The following MMP16 variants were observed in gnomAD, a reference collection of about 807,000 sequenced individuals.
MMP16 encodes matrix metallopeptidase 16.
In MMP16, 12 loss-of-function variants were observed where a neutral mutation model predicts 67.8. That is an observed-to-expected ratio of 0.18 (90% CI 0.11 to 0.29). The LOEUF (loss-of-function observed/expected upper bound fraction) is 0.29, where lower values mean the gene tolerates loss of function less well. Ranked by LOEUF, MMP16 falls within the 10% of genes least tolerant of loss-of-function variation. The pLI is 1.00. For missense variants in MMP16, 475 were observed against 765.7 expected (o/e 0.62, Z 4.48); for synonymous variants, 249 against 255.9 (o/e 0.97, Z 0.26).
At position 88,186,210 on chromosome 8, in the gene MMP16, A is replaced by G. The variant is rs533466001; in HGVS notation, c.404+266T>C. 11 of 312,232 alleles carry G rather than the reference A, an allele frequency of 3.5e-5. No individual in the cohort carries two copies. In the Admixed American group the frequency reaches 5.2e-4, roughly 15 times the overall value. The allele number at this position is 312,232 out of a possible 1,614,324, so 19.3% of individuals were successfully genotyped here. On this transcript the variant is annotated intron_variant, in intron 3 of 9. Transcript: ENST00000286614. ...GTCAAAGCATGTAATATGTTAGAAC[A>G]TTCATCTTAAAGTCCCTCATAATAT...
At chr8:88,260,131 T>C in intron 1 of MMP16, among the ~76,000 whole-genome samples, 1 of 152,174 alleles carries the variant, frequency 6.6e-6, no homozygotes, top group East Asian at 1.9e-4. Context: ...TAAGAAGACA[T>C]GAAGTGATAA....
At chr8:88,104,234 C>T (rs1239399361) in intron 6 of MMP16, among the ~76,000 whole-genome samples, 1 of 151,546 alleles carries the variant, frequency 6.6e-6, no homozygotes, top group Non-Finnish European at 1.5e-5. Flanking sequence ...CTTTTCTATG[C>T]CTTGTCAATG....
intron 1 of MMP16, among the ~76,000 whole-genome samples, chr8:88,236,618 G>A (rs1166277876): frequency 1.3e-5 from 2 of 151,930 alleles, no homozygotes; most frequent in African/African-American, 4.8e-5. Context: ...TGTGGTGGGC[G>A]TGCACCTATA....
intron 1 of MMP16, among the ~76,000 whole-genome samples, chr8:88,237,765 G>A (rs966503582): frequency 5.3e-5 from 8 of 152,302 alleles, no homozygotes; most frequent in Admixed American, 3.3e-4. Context: ...GGTGATTTAC[G>A]TTTGTGTATG....
chr8:88,158,234 G>C (rs1808548774), intron 4 of MMP16, among the ~76,000 whole-genome samples: 1 of 152,088 alleles, frequency 6.6e-6, no homozygotes, highest in African/African-American at 2.4e-5. Context: ...CTAGATCCTT[G>C]AGGAATCGCC....
chr8:88,327,375 G>T lies in MMP16; in HGVS notation c.-169C>A. On this transcript the variant is annotated 5_prime_UTR_variant, in exon 1 of 10. The change creates a new upstream start codon in the 5' untranslated region. Coordinates refer to ENST00000286614, the MANE Select transcript of MMP16 (RefSeq NM_005941.5). ...GGAGACAGGGGCCCCGCGCTCGGCA[G>T]CCCCCGAGAGGCAGCGGCGAAGACA... 1.4e-6 allele frequency: 1 copy of T among 707,142 alleles called. No individual in the cohort carries two copies. The highest frequency in any genetic ancestry group is 2.3e-6 in the Non-Finnish European group (1 of 434,700). The allele number at this position is 707,142 out of a possible 1,614,324, so 43.8% of individuals were successfully genotyped here.
At chr8:88,243,954 C>A (rs1368141895) in intron 1 of MMP16, among the ~76,000 whole-genome samples, 1 of 151,922 alleles carries the variant, frequency 6.6e-6, no homozygotes, top group Non-Finnish European at 1.5e-5. Flanking sequence ...AAGAAAAAGA[C>A]AGCTGTAATT....
intron 6 of MMP16, among the ~76,000 whole-genome samples, chr8:88,096,383 A>G (rs1008334440): frequency 1.3e-5 from 2 of 151,924 alleles, no homozygotes; most frequent in African/African-American, 4.8e-5. Flanking sequence ...AAAAAGTCTT[A>G]CTTGGATACA....
chr8:88,149,477 G>C (rs913186038), intron 4 of MMP16, among the ~76,000 whole-genome samples: 1 of 152,176 alleles, frequency 6.6e-6, no homozygotes, highest in Non-Finnish European at 1.5e-5. Flanking sequence ...CAGCTTTGAA[G>C]AGAGCAGTGG....
intron 8 of MMP16, 104 bp from the exon 9 acceptor site, chr8:88,046,888 T>C: frequency 1.6e-6 from 1 of 644,342 alleles, no homozygotes; most frequent in Non-Finnish European, 2.5e-6. Context: ...CTTTGCTGTG[T>C]GCTTGACTTT....
At chr8:88,056,052 C>T in intron 8 of MMP16, 76 bp downstream of exon 8, 1 of 1,196,614 alleles carries the variant, frequency 8.4e-7, no homozygotes, top group Non-Finnish European at 1.1e-6. Flanking sequence ...CAGCTGATGC[C>T]TCTGATAGAC....
At chr8:88,044,589 T>G (rs1808175400) in intron 9 of MMP16, among the ~76,000 whole-genome samples, 2 of 152,224 alleles carry the variant, frequency 1.3e-5, no homozygotes, top group Non-Finnish European at 2.9e-5. Flanking sequence ...CTTAACTAAA[T>G]TTTCATTGTT....
chr8:88,235,390 CA>C (rs35201322), intron 1 of MMP16, among the ~76,000 whole-genome samples: 59,546 of 115,974 alleles, frequency 0.51, 14,520 homozygotes, highest in Non-Finnish European at 0.61. Flanking sequence ...GACTCCATCT[CA>C]AAAAAAAAAA....
chr8:88,107,171 T>C (rs1017905862), intron 6 of MMP16, among the ~76,000 whole-genome samples: 3 of 151,184 alleles, frequency 2.0e-5, no homozygotes, highest in Non-Finnish European at 4.5e-5. Flanking sequence ...TAAATTTGCA[T>C]AACAGTAAGT....
intron 8 of MMP16, among the ~76,000 whole-genome samples, chr8:88,054,563 T>G (rs1018013603): frequency 2.0e-5 from 3 of 152,294 alleles, no homozygotes; most frequent in Admixed American, 2.0e-4. Flanking sequence ...AATTTTTGTT[T>G]GATAGATCTT....
intron 4 of MMP16, among the ~76,000 whole-genome samples, chr8:88,135,906 T>C (rs903960148): frequency 6.6e-6 from 1 of 151,890 alleles, no homozygotes; most frequent in African/African-American, 2.4e-5. Context: ...ACCGACTCAG[T>C]ATTAATGCTC....
At chr8:88,245,840 A>G (rs1028010570) in intron 1 of MMP16, among the ~76,000 whole-genome samples, 1 of 152,142 alleles carries the variant, frequency 6.6e-6, no homozygotes, top group Non-Finnish European at 1.5e-5. Context: ...AGCAATAATA[A>G]ATAAAGCACC....
chr8:88,195,453 A>G (rs937962742), intron 2 of MMP16, among the ~76,000 whole-genome samples: 22 of 152,190 alleles, frequency 1.4e-4, no homozygotes, highest in Non-Finnish European at 7.3e-5. Context: ...ATCAGAAGCT[A>G]ACAGCTCTCC....
At chr8:88,099,173 A>C (rs543349940) in intron 6 of MMP16, among the ~76,000 whole-genome samples, 58 of 151,844 alleles carry the variant, frequency 3.8e-4, no homozygotes, top group African/African-American at 1.3e-3. Flanking sequence ...TTTTTATATT[A>C]TGAAAAACAG....
Sources: allele counts gnomAD v4.1 joint callset (sites outside exome capture counted in the v4.1 genomes callset), GRCh38; gene constraint gnomAD v4.1.1; transcripts MANE v1.5; gene names NCBI Gene and HGNC (gene_info 2026-07-23, HGNC 2026-07-21).